NAGA: variants seen among roughly 807,000 people sequenced by gnomAD.
NAGA encodes the protein alpha-N-acetylgalactosaminidase.
Under a neutral mutation model 45.6 loss-of-function variants are expected in NAGA, and 42 were observed. The ratio of observed to expected loss-of-function variants is 0.92; its 90% CI spans 0.72 to 1.19. NAGA has a LOEUF of 1.19. NAGA is among the 50% of genes most tolerant of loss of function. The probability of loss-of-function intolerance (pLI) is 0.00; values close to 1 mark genes in which losing one functional copy is unlikely to be tolerated. For synonymous variants in NAGA, 176 were observed against 203.1 expected (o/e 0.87, Z 1.13); for missense variants, 493 against 544.8 (o/e 0.90, Z 0.95).
intron 1 of NAGA, among the ~76,000 whole-genome samples, chr22:42,069,700 A>G (rs940982064): frequency 6.6e-6 from 1 of 152,072 alleles, no homozygotes; most frequent in Admixed American, 6.6e-5. Flanking sequence ...AGCCTATTTT[A>G]TAATAAATTG....
chr22:42,070,577 T>A lies in NAGA; in HGVS notation c.-280A>T. On this transcript the variant is annotated 5_prime_UTR_variant, in exon 1 of 9. Transcript: ENST00000396398. ...CTCACACCCTCTGCAGTGCTGGGAG[T>A]CCCGAGGGCCTACGGGCCGCCTTCG... The A allele has an allele frequency of 1.8e-6, 1 of 565,694 alleles. No homozygotes were observed. Among genetic ancestry groups the A allele is most frequent in the East Asian group, 3.0e-5 (1 of 33,288 alleles). The allele number at this position is 565,694 out of a possible 1,614,324, so 35.0% of individuals were successfully genotyped here. A position where few individuals can be genotyped will look rare whatever the true frequency, so the allele number is the denominator to read the frequency against.
chr22:42,059,385 CT>C lies in NAGA; in HGVS notation c.*893del, dbSNP rs995206360. 1.3e-5 allele frequency: 2 copies of C among 152,412 alleles called. No homozygotes were observed. The highest frequency in any genetic ancestry group is 4.8e-5 in the African/African-American group (2 of 41,468). 9.4% of individuals were successfully genotyped at this position (152,412 alleles called of 1,614,324 possible). A position where few individuals can be genotyped will look rare whatever the true frequency, so the allele number is the denominator to read the frequency against. On this transcript the variant is annotated 3_prime_UTR_variant, in exon 9 of 9. Coordinates refer to ENST00000396398, the MANE Select transcript of NAGA (RefSeq NM_000262.3). ...GACACATCTGGGGAATATGAACCTC[CT>C]TTGCAGCCAGGTTGGGAGAGAAATA...
chr22:42,066,178 C>T (rs1254086323), intron 5 of NAGA, among the ~76,000 whole-genome samples: 1 of 152,172 alleles, frequency 6.6e-6, no homozygotes, highest in Non-Finnish European at 1.5e-5. Flanking sequence ...GGCTGGTGCA[C>T]CCACAAACAA....
rs1602499506 is a variant in NAGA at position 42,070,227 on chromosome 22, A to T, written c.16+55T>A. On this transcript the variant is annotated intron_variant, in intron 1 of 8. Transcript: ENST00000396398. ...CACATTAGGGAAGAAGGGCCAAAGC[A>T]CTCCTTGTAGCACTCACCCCTACCC... is the stretch of plus-strand genomic sequence containing the variant. The T allele has an allele frequency of 3.1e-6, 5 of 1,598,646 alleles. No homozygotes were observed. The South Asian group carries it at 4.4e-5, about 14-fold the overall frequency.
At chr22:42,060,797 T>C in intron 8 of NAGA, 127 bp downstream of exon 8, 1 of 1,344,218 alleles carries the variant, frequency 7.4e-7, no homozygotes, top group East Asian at 2.3e-5. Flanking sequence ...CAGCTCCCCA[T>C]GGGCACCTGC....
intron 6 of NAGA, 98 bp from the exon 7 acceptor site, chr22:42,063,122 AT>A: frequency 8.1e-7 from 1 of 1,240,890 alleles, no homozygotes; most frequent in Non-Finnish European, 1.1e-6. Context: ...GCAATTAGGG[AT>A]TAGGGAAAGA....
chr22:42,063,026 T>C lies in NAGA; in HGVS notation c.760-2A>G. On this transcript the variant is annotated splice_acceptor_variant, in intron 6 of 8. Transcript: ENST00000396398. LOFTEE classifies it high-confidence loss of function. ...GAGACCAAAGTTCCCAATGAGCAGCTGGGGGCAGAGAAGAGGAGTAGTCAG... is the reference window on the plus strand; with the variant it reads ...GAGACCAAAGTTCCCAATGAGCAGCCGGGGGCAGAGAAGAGGAGTAGTCAG... 6.2e-7 allele frequency: 1 copy of C among 1,613,930 alleles called. No individual in the cohort carries two copies. The highest frequency in any genetic ancestry group is 8.5e-7 in the Non-Finnish European group (1 of 1,179,960).
At chr22:42,066,961 T>C in intron 4 of NAGA, 152 bp downstream of exon 4, 1 of 1,395,384 alleles carries the variant, frequency 7.2e-7, no homozygotes, top group Non-Finnish European at 1.0e-6. Context: ...GGGTGGGCTA[T>C]GCTGCCACTC....
chr22:42,059,992 A>T lies in NAGA; in HGVS notation c.*287T>A, dbSNP rs1293567259. ...GTCAGAGGCTAGAGTCCTGATGGGC[A>T]TGGAGCTCAGGAGGCTGGCGAGTTG... On this transcript the variant is annotated 3_prime_UTR_variant, in exon 9 of 9. Coordinates refer to ENST00000396398, the MANE Select transcript of NAGA (RefSeq NM_000262.3). 2 of 449,414 alleles carry T rather than the reference A, an allele frequency of 4.5e-6. No individual in the cohort carries two copies. Among genetic ancestry groups the T allele is most frequent in the South Asian group, 4.2e-5 (2 of 47,630 alleles). 27.8% of individuals were successfully genotyped at this position (449,414 alleles called of 1,614,324 possible). A position where few individuals can be genotyped will look rare whatever the true frequency, so the allele number is the denominator to read the frequency against.
At position 42,070,197 on chromosome 22, in the gene NAGA, A is replaced by AT; in HGVS notation, c.16+84dup. ...AAGAGAGAGGAACCTGTCTCTCCAC[A>AT]TACCCACATTAGGGAAGAAGGGCCA... On this transcript the variant is annotated intron_variant, in intron 1 of 8. Transcript: ENST00000396398. The AT allele has an allele frequency of 2.7e-6, 4 of 1,457,774 alleles. No homozygotes were observed. In the South Asian group the frequency reaches 4.6e-5, roughly 17 times the overall value. 90.3% of individuals were successfully genotyped at this position (1,457,774 alleles called of 1,614,324 possible).
chr22:42,063,132 G>A lies in NAGA; in HGVS notation c.760-108C>T, dbSNP rs1926508702. On this transcript the variant is annotated intron_variant, in intron 6 of 8. Coordinates refer to ENST00000396398, the MANE Select transcript of NAGA (RefSeq NM_000262.3). ...GAAGAGCAATTAGGGATTAGGGAAA[G>A]ATGGCTGTATGTGGAGGAGGCCTGG... The A allele has an allele frequency of 2.6e-6, 3 of 1,158,004 alleles. No individual in the cohort carries two copies. In the Admixed American group the frequency reaches 5.9e-5, roughly 23 times the overall value. 71.7% of individuals were successfully genotyped at this position (1,158,004 alleles called of 1,614,324 possible).
In NAGA at chr22:42,059,311, A is replaced by C. The variant is rs1452172315; in HGVS notation, c.*968T>G. On this transcript the variant is annotated 3_prime_UTR_variant, in exon 9 of 9. Transcript: ENST00000396398. Reference sequence around the variant, plus strand: ...TTGACTGTTACCCCTGTCCTTAGGAAGAGGGACAGGAAATCAATTTTAAGA... The same window carrying C: ...TTGACTGTTACCCCTGTCCTTAGGACGAGGGACAGGAAATCAATTTTAAGA... 6.6e-6 allele frequency: 1 copy of C among 152,384 alleles called. No homozygotes were observed. The highest frequency in any genetic ancestry group is 1.9e-4 in the East Asian group (1 of 5,186). 9.4% of individuals were successfully genotyped at this position (152,384 alleles called of 1,614,324 possible). A position where few individuals can be genotyped will look rare whatever the true frequency, so the allele number is the denominator to read the frequency against.
chr22:42,060,473 C>T (rs1419219576), intron 8 of NAGA, 60 bp from the exon 9 acceptor site: 42 of 1,606,690 alleles, frequency 2.6e-5, no homozygotes, highest in Non-Finnish European at 3.3e-5. Flanking sequence ...GAGACCCCCC[C>T]CGCTAGAGGA....
At position 42,070,282 on chromosome 22, in the gene NAGA, C is replaced by T. The variant is rs1602499597; in HGVS notation, c.16G>A (p.Val6Met). 2 of 1,614,266 alleles carry T rather than the reference C, an allele frequency of 1.2e-6. No individual in the cohort carries two copies. The highest frequency in any genetic ancestry group is 1.6e-4 in the Middle Eastern group (1 of 6,062). MLLKT[V>M]LLLGHVAQVL... ...AAGCCACCCCAGCCGGTGTAGGTACCTGTCTTCAGCAGCATCGCTCTGGAC... is the reference window on the plus strand; with the variant it reads ...AAGCCACCCCAGCCGGTGTAGGTACTTGTCTTCAGCAGCATCGCTCTGGAC... Residue 6 changes from valine (V) to methionine (M), a missense_variant and splice_region_variant, in exon 1 of 9, where the codon GTG (valine) becomes ATG (methionine). By Grantham distance (21) the Val-to-Met change is conservative. Coordinates refer to ENST00000396398, the MANE Select transcript of NAGA (RefSeq NM_000262.3).
At position 42,068,559 on chromosome 22, in the gene NAGA, T is replaced by G. The variant is rs1478744478; in HGVS notation, c.32A>C (p.His11Pro). 3 of 1,614,092 alleles carry G rather than the reference T, an allele frequency of 1.9e-6. No homozygotes were observed. Among genetic ancestry groups the G allele is most frequent in the Non-Finnish European group, 2.5e-6 (3 of 1,179,996 alleles). Reference protein sequence around the residue: MLLKTVLLLGHVAQVLMLDNG... With the variant: MLLKTVLLLGPVAQVLMLDNG... Reference sequence around the variant, plus strand: ...GTCCAGCATCAGCACCTGGGCCACATGTCCCAGCAAGAGCACTAGGGGGCA... The same window carrying G: ...GTCCAGCATCAGCACCTGGGCCACAGGTCCCAGCAAGAGCACTAGGGGGCA... Residue 11 changes from histidine (H) to proline (P), a missense_variant, in exon 2 of 9, where the codon CAT (histidine) becomes CCT (proline). Physicochemically the swap from His to Pro is moderately conservative, Grantham distance 77 (BLOSUM62 -2). Coordinates refer to ENST00000396398, the MANE Select transcript of NAGA (RefSeq NM_000262.3).
intron 6 of NAGA, among the ~76,000 whole-genome samples, chr22:42,064,277 T>C (rs1255786181): frequency 2.0e-5 from 3 of 149,682 alleles, no homozygotes; most frequent in South Asian, 4.2e-4. Flanking sequence ...GAGGCGGAGG[T>C]TGCGGTGAGC....
chr22:42,065,940 C>A (rs746171183), intron 5 of NAGA, 41 bp from the exon 6 acceptor site: 13 of 1,607,084 alleles, frequency 8.1e-6, no homozygotes, highest in African/African-American at 1.3e-5. Flanking sequence ...ACCAGAATCA[C>A]ACGCTGCAGC....
At chr22:42,064,415 C>T (rs1324554344) in intron 6 of NAGA, among the ~76,000 whole-genome samples, 2 of 146,548 alleles carry the variant, frequency 1.4e-5, no homozygotes, top group Non-Finnish European at 3.0e-5. Flanking sequence ...CTGAGGCGGG[C>T]AGATCATGAG....
rs1358903734 is a variant in NAGA, at chr22:42,070,281, C to A, written c.16+1G>T. 1 of 1,614,220 alleles carries A rather than the reference C, an allele frequency of 6.2e-7. No individual in the cohort carries two copies. The highest frequency in any genetic ancestry group is 1.7e-5 in the Admixed American group (1 of 60,030). ...CAAGCCACCCCAGCCGGTGTAGGTACCTGTCTTCAGCAGCATCGCTCTGGA... is the reference window on the plus strand; with the variant it reads ...CAAGCCACCCCAGCCGGTGTAGGTAACTGTCTTCAGCAGCATCGCTCTGGA... On this transcript the variant is annotated splice_donor_variant, in intron 1 of 8. Coordinates refer to ENST00000396398, the MANE Select transcript of NAGA (RefSeq NM_000262.3). LOFTEE classifies it high-confidence loss of function.
Sources: allele counts gnomAD v4.1 joint callset (sites outside exome capture counted in the v4.1 genomes callset), GRCh38; gene constraint gnomAD v4.1.1; transcripts MANE v1.5; gene names NCBI Gene and HGNC (gene_info 2026-07-23, HGNC 2026-07-21).